Variants in PIR observed in about 807,000 individuals in gnomAD.
PIR encodes pirin (iron-binding nuclear protein).
A neutral mutation model predicts 24.2 loss-of-function variants in PIR; 22 were observed. That is an observed-to-expected ratio of 0.91 (90% confidence interval 0.65 to 1.30). PIR has a LOEUF of 1.30. Among genes scored for constraint, PIR ranks in the 50% most tolerant of loss-of-function variants. The pLI is 0.00. For synonymous variants in PIR, 80 were observed against 79.6 expected, an observed-to-expected ratio of 1.00 and a Z score of -0.03; for missense variants, 220 against 220.3, an observed-to-expected ratio of 1.00 and a Z score of 0.01.
intron 9 of PIR, among the ~76,000 whole-genome samples, chrX:15,387,412 T>C (rs1180016473): frequency 1.8e-5 from 2 of 110,324 alleles, no homozygotes; most frequent in Non-Finnish European, 3.8e-5. Context: ...CTGAGTATTT[T>C]AACATAGAAG....
At chrX:15,478,023 C>CA (rs3058993) in intron 3 of PIR, among the ~76,000 whole-genome samples, 26,384 of 102,620 alleles carry the variant, frequency 0.26, 2,595 homozygotes, top group African/African-American at 0.35. Flanking sequence ...TTCCCCCCCC[C>CA]CCAGAAAGCA....
At chrX:15,447,511 G>A (rs758613820) in intron 5 of PIR, among the ~76,000 whole-genome samples, 5 of 111,466 alleles carry the variant, frequency 4.5e-5, no homozygotes, top group African/African-American at 1.6e-4. Context: ...GTAGAGACGG[G>A]GTTTCACCAT....
At chrX:15,459,772 C>A (rs931202448) in intron 3 of PIR, 32 bp from the exon 4 acceptor site, 13 of 821,374 alleles carry the variant, frequency 1.6e-5, no homozygotes, top group East Asian at 3.1e-5. Flanking sequence ...AAAAGTAGAT[C>A]CTTTGCCTAT....
chrX:15,474,163 G>A (rs767049641), intron 3 of PIR, among the ~76,000 whole-genome samples: 3 of 111,851 alleles, frequency 2.7e-5, no homozygotes, highest in East Asian at 2.8e-4. Flanking sequence ...GGGATGCCAC[G>A]TTGTCAGAAC....
intron 2 of PIR, among the ~76,000 whole-genome samples, chrX:15,480,252 C>T (rs1194030684): frequency 2.7e-5 from 3 of 110,845 alleles, no homozygotes. Flanking sequence ...TGAGGCCTCC[C>T]CAGCCACATG....
chrX:15,472,328 T>C (rs753601225), intron 3 of PIR, among the ~76,000 whole-genome samples: 16 of 111,802 alleles, frequency 1.4e-4, no homozygotes, highest in Admixed American at 3.8e-4. Flanking sequence ...TCCCTAGAGG[T>C]CACATTACAA....
At chrX:15,481,687 C>T (rs143087306) in intron 2 of PIR, among the ~76,000 whole-genome samples, 1,331 of 111,774 alleles carry the variant, frequency 0.012, 19 homozygotes, top group African/African-American at 0.041. Flanking sequence ...ATTAGACATG[C>T]GCTAGGCAAT....
In PIR at chrX:15,410,777, G is replaced by A. The variant is rs58914845; in HGVS notation, c.566-3227C>T. Reference sequence around the variant, plus strand: ...AATAACACAACTCATGTTGCTGATTGGAAAGCACAGAGTGTTAGAGGGCAT... The same window carrying A: ...AATAACACAACTCATGTTGCTGATTAGAAAGCACAGAGTGTTAGAGGGCAT... On this transcript the variant is annotated intron_variant, in intron 6 of 9. Coordinates refer to ENST00000380420, the MANE Select transcript of PIR (RefSeq NM_001018109.3). Among the ~76,000 whole-genome samples, 416 of 112,128 alleles carry A rather than the reference G, an allele frequency of 3.7e-3. 1 individual carries two copies. The highest frequency in any genetic ancestry group is 0.013 in the African/African-American group (395 of 30,894).
At chrX:15,400,546 G>C (rs182642320) in intron 7 of PIR, among the ~76,000 whole-genome samples, 80 of 110,763 alleles carry the variant, frequency 7.2e-4, no homozygotes, top group Non-Finnish European at 4.0e-4. Context: ...CCCCTATCAG[G>C]GGAGCTTGCT....
At chrX:15,406,254 C>T (rs894485553) in intron 7 of PIR, among the ~76,000 whole-genome samples, 2 of 112,484 alleles carry the variant, frequency 1.8e-5, no homozygotes, top group Non-Finnish European at 3.8e-5. Flanking sequence ...GGGGCTGGTT[C>T]TCTGAGCTGT....
rs1465778892 is a variant in PIR at position 15,422,139 on chromosome X, G to A, written c.565+3767C>T. Among the ~76,000 whole-genome samples, 6 of 110,734 alleles carry A rather than the reference G, an allele frequency of 5.4e-5. No homozygotes were observed. In the East Asian group the frequency reaches 1.7e-3, roughly 31 times the overall value. ...ACCTTTAACAAACTGGGTATAGAAT[G>A]AACGTACCTCAAAATAATAAAGGCC... is the stretch of plus-strand genomic sequence containing the variant. On this transcript the variant is annotated intron_variant, in intron 6 of 9. Transcript: ENST00000380420.
chrX:15,465,756 A>G (rs904492382), intron 3 of PIR, among the ~76,000 whole-genome samples: 3 of 111,967 alleles, frequency 2.7e-5, no homozygotes, highest in Non-Finnish European at 5.6e-5. Context: ...GATGAAAGAA[A>G]AGTGTCACTT....
rs773317748 is a variant in PIR, at chrX:15,394,011, C to T, written c.693+3438G>A. Among the ~76,000 whole-genome samples the T allele has an allele frequency of 4.5e-5, 5 of 110,725 alleles. No individual in the cohort carries two copies. The South Asian group carries it at 1.9e-3, about 43-fold the overall frequency. ...AGCATCCCCAAACCATTCCCAGCCA[C>T]CCCCATCTGAGGAAAAATTGTCTTC... On this transcript the variant is annotated intron_variant, in intron 8 of 9. Coordinates refer to ENST00000380420, the MANE Select transcript of PIR (RefSeq NM_001018109.3).
At chrX:15,470,865 A>C (rs1450305090) in intron 3 of PIR, among the ~76,000 whole-genome samples, 2 of 111,462 alleles carry the variant, frequency 1.8e-5, no homozygotes, top group African/African-American at 6.5e-5. Flanking sequence ...AGCCTCCAAA[A>C]GTGCTGGGAT....
At chrX:15,389,199 T>C (rs1923873702) in intron 9 of PIR, among the ~76,000 whole-genome samples, 1 of 112,259 alleles carries the variant, frequency 8.9e-6, no homozygotes, top group South Asian at 3.7e-4. Flanking sequence ...CTGAAGGCTT[T>C]TTCCAGAAAA....
At chrX:15,463,583 C>A (rs150487501) in intron 3 of PIR, among the ~76,000 whole-genome samples, 284 of 111,840 alleles carry the variant, frequency 2.5e-3, no homozygotes, top group African/African-American at 7.9e-3. Context: ...AACAGAATAG[C>A]CTAGGCAGGG....
chrX:15,438,956 G>C (rs1302040745), intron 5 of PIR, among the ~76,000 whole-genome samples: 1 of 111,612 alleles, frequency 9.0e-6, no homozygotes, highest in East Asian at 2.8e-4. Context: ...GGCAAACTTT[G>C]ACCAAAGAGG....
chrX:15,410,265 C>T (rs1569196368), intron 6 of PIR, among the ~76,000 whole-genome samples: 1 of 109,030 alleles, frequency 9.2e-6, no homozygotes, highest in Non-Finnish European at 1.9e-5. Context: ...AAAAACAAAA[C>T]AAAACAAAAC....
chrX:15,447,425 C>T (rs941859439), intron 5 of PIR, among the ~76,000 whole-genome samples: 5 of 111,260 alleles, frequency 4.5e-5, no homozygotes, highest in Admixed American at 9.5e-5. Context: ...CACCATTCTC[C>T]TGCCTCAGCC....
Sources: allele counts gnomAD v4.1 joint callset (sites outside exome capture counted in the v4.1 genomes callset), GRCh38; gene constraint gnomAD v4.1.1; transcripts MANE v1.5; gene names NCBI Gene and HGNC (gene_info 2026-07-23, HGNC 2026-07-21).